CCDC66: variants seen among roughly 807,000 people sequenced by gnomAD.
The protein encoded by CCDC66 is coiled-coil domain-containing protein 66.
In CCDC66, 133 loss-of-function variants were observed where a neutral mutation model predicts 128.3. The ratio of observed to expected loss-of-function variants is 1.04; its 90% CI spans 0.90 to 1.20. The LOEUF (loss-of-function observed/expected upper bound fraction) is 1.20, where lower values mean the gene tolerates loss of function less well. CCDC66 is among the 50% of genes most tolerant of loss of function. The probability of loss-of-function intolerance (pLI) is 0.00; values close to 1 mark genes in which losing one functional copy is unlikely to be tolerated. For missense variants in CCDC66, 1,126 were observed against 1,075.5 expected (o/e 1.05, Z -0.66); for synonymous variants, 387 against 357.0 (o/e 1.08, Z -0.95).
chr3:56,614,760 T>G (rs996309366), intron 11 of CCDC66, among the ~76,000 whole-genome samples: 3 of 152,158 alleles, frequency 2.0e-5, no homozygotes, highest in Non-Finnish European at 4.4e-5. Flanking sequence ...GCTGAGCCAG[T>G]TACCCCTAGG....
intron 7 of CCDC66, among the ~76,000 whole-genome samples, chr3:56,575,092 TG>T (rs2067179185): frequency 6.6e-6 from 1 of 151,924 alleles, no homozygotes; most frequent in South Asian, 2.1e-4. Flanking sequence ...GGTAATTTTT[TG>T]TTTAATTTTT....
chr3:56,574,439 A>T (rs1475296493), intron 7 of CCDC66, among the ~76,000 whole-genome samples: 2 of 151,772 alleles, frequency 1.3e-5, no homozygotes, highest in Non-Finnish European at 1.5e-5. Flanking sequence ...ATTGAGGGAA[A>T]AGGAATTTGC....
intron 17 of CCDC66, chr3:56,620,969 AGTGAAACCCT>A (rs2076427336): frequency 6.6e-6 from 1 of 151,884 alleles, no homozygotes; most frequent in Non-Finnish European, 1.5e-5. Context: ...TGGCTAACAC[AGTGAAACCCT>A]GTCTCTACTA....
intron 10 of CCDC66, among the ~76,000 whole-genome samples, chr3:56,609,689 C>T (rs2074536341): frequency 6.6e-6 from 1 of 152,040 alleles, no homozygotes; most frequent in African/African-American, 2.4e-5. Context: ...ATAGGTCCTC[C>T]TGTGTGATTT....
At position 56,593,540 on chromosome 3, in the gene CCDC66, A is replaced by T; in HGVS notation, c.1118A>T (p.Tyr373Phe). Residue 373 changes from tyrosine (Y) to phenylalanine (F), a missense_variant, in exon 9 of 18, where the codon TAT becomes TTT. Coordinates refer to ENST00000394672, the MANE Select transcript of CCDC66 (RefSeq NM_001141947.3). Reference protein sequence around the residue: ...WAMHFDSLKSYPGSQSQLFSQ... With the variant: ...WAMHFDSLKSFPGSQSQLFSQ... ...ATGCACTTTGATTCATTAAAGAGTT[A>T]TCCTGGTTCTCAATCTCAGCTGTTC... 2.5e-6 allele frequency: 4 copies of T among 1,614,188 alleles called. No homozygotes were observed. Among genetic ancestry groups the T allele is most frequent in the Non-Finnish European group, 3.4e-6 (4 of 1,179,994 alleles).
At chr3:56,619,236 A>T in intron 15 of CCDC66, 35 bp from the exon 16 acceptor site, 1 of 1,461,076 alleles carries the variant, frequency 6.8e-7, no homozygotes, top group East Asian at 2.4e-5. Context: ...ACTTAATCTA[A>T]ATACACAATT....
At position 56,619,809 on chromosome 3, in the gene CCDC66, G is replaced by A. The variant is rs764875002; in HGVS notation, c.2668G>A (p.Asp890Asn). The A allele has an allele frequency of 6.2e-7, 1 of 1,612,428 alleles. No homozygotes were observed. Among genetic ancestry groups the A allele is most frequent in the South Asian group, 1.1e-5 (1 of 91,010 alleles). Residue 890 changes from aspartate to asparagine, a missense_variant, in exon 17 of 18, where the codon GAC becomes AAC. Transcript: ENST00000394672. ...CCAAAAACGACAGCTATTTGATTCT[G>A]ACTGTGTCAGGGATCCACTTCTTAA... is the stretch of plus-strand genomic sequence containing the variant. The part of the protein sequence containing the change: ...CGQKRQLFDS[D>N]CVRDPLLNPN...
intron 4 of CCDC66, among the ~76,000 whole-genome samples, chr3:56,564,895 T>A (rs1320797714): frequency 1.3e-5 from 2 of 152,232 alleles, no homozygotes; most frequent in Non-Finnish European, 2.9e-5. Context: ...TGTTATAGAT[T>A]ATTCTTGGTA....
chr3:56,563,655 TA>T, intron 3 of CCDC66, 28 bp from the exon 4 acceptor site: 1 of 1,495,640 alleles, frequency 6.7e-7, no homozygotes, highest in Non-Finnish European at 9.0e-7. Flanking sequence ...TGGACAGTTA[TA>T]AAGAATAAGC....
intron 7 of CCDC66, among the ~76,000 whole-genome samples, chr3:56,579,013 G>T (rs1443870222): frequency 6.6e-6 from 1 of 151,774 alleles, no homozygotes. Flanking sequence ...ACCTCTGGTC[G>T]AATTTGGCTG....
chr3:56,604,666 G>A (rs1277825919), intron 10 of CCDC66, among the ~76,000 whole-genome samples: 1 of 151,800 alleles, frequency 6.6e-6, no homozygotes, highest in Non-Finnish European at 1.5e-5. Flanking sequence ...AGTCTGATGG[G>A]CTTCCCTTTG....
In CCDC66 at chr3:56,619,324, ATACAT is replaced by A; in HGVS notation, c.2439_2443del (p.Leu813PhefsTer7). 6.2e-7 allele frequency: 1 copy of A among 1,613,688 alleles called. No homozygotes were observed. The highest frequency in any genetic ancestry group is 8.5e-7 in the Non-Finnish European group (1 of 1,179,770). On this transcript the variant is annotated frameshift_variant, in exon 16 of 18. Coordinates refer to ENST00000394672, the MANE Select transcript of CCDC66 (RefSeq NM_001141947.3). LOFTEE classifies it high-confidence loss of function. Reference sequence around the variant, plus strand: ...AAAAACAGAACCCAACAAACTCAAAATACATTACATTTACCACTAAAAAACAGTAG... The same window carrying A: ...AAAAACAGAACCCAACAAACTCAAAATACATTTACCACTAAAAAACAGTAG...
chr3:56,602,004 A>G (rs985057623), intron 10 of CCDC66, among the ~76,000 whole-genome samples: 2 of 152,054 alleles, frequency 1.3e-5, no homozygotes, highest in African/African-American at 2.4e-5. Context: ...TTCCAATACT[A>G]TGTTGAATAG....
intron 17 of CCDC66, chr3:56,621,214 T>TC (rs1239740574): frequency 1.6e-4 from 30 of 190,194 alleles, no homozygotes; most frequent in African/African-American, 6.6e-4. Context: ...TAAGGGAGAC[T>TC]CCTTCAGTAT....
intron 1 of CCDC66, among the ~76,000 whole-genome samples, chr3:56,558,112 C>T (rs2064597380): frequency 6.6e-6 from 1 of 152,122 alleles, no homozygotes. Context: ...TTTCCCCTAC[C>T]TGAGCAACAC....
chr3:56,580,234 C>T (rs1004731740), intron 7 of CCDC66, among the ~76,000 whole-genome samples: 1 of 151,686 alleles, frequency 6.6e-6, no homozygotes, highest in Non-Finnish European at 1.5e-5. Context: ...ATTGCAACCC[C>T]TGCTTTTTTT....
chr3:56,593,971 G>T lies in CCDC66; in HGVS notation c.1347G>T (p.Leu449Phe). The T allele has an allele frequency of 1.2e-6, 2 of 1,614,062 alleles. No homozygotes were observed. The highest frequency in any genetic ancestry group is 1.7e-6 in the Non-Finnish European group (2 of 1,180,008). ...TTCTCCGTTCTATGACTGCTCTCTTGGACCCAGCTCAGATTGAGGAACGAG... is the reference window on the plus strand; with the variant it reads ...TTCTCCGTTCTATGACTGCTCTCTTTGACCCAGCTCAGATTGAGGAACGAG... ...TNFLRSMTAL[L>F]DPAQIEERDR... is the part of the protein sequence containing the mutation. Residue 449 changes from leucine to phenylalanine, a missense_variant, in exon 10 of 18, where the codon TTG (leucine) becomes TTT (phenylalanine). Transcript: ENST00000394672.
intron 3 of CCDC66, among the ~76,000 whole-genome samples, chr3:56,563,307 G>A (rs549158926): frequency 4.5e-4 from 68 of 151,934 alleles, no homozygotes; most frequent in Non-Finnish European, 7.5e-4. Context: ...GTTGCAGTGA[G>A]CTGAGATCGT....
At chr3:56,558,525 T>C (rs1248628063) in intron 1 of CCDC66, among the ~76,000 whole-genome samples, 1 of 152,236 alleles carries the variant, frequency 6.6e-6, no homozygotes, top group East Asian at 1.9e-4. Context: ...CTTTAACTTA[T>C]GTGAGGAGTT....
Sources: allele counts gnomAD v4.1 joint callset (sites outside exome capture counted in the v4.1 genomes callset), GRCh38; gene constraint gnomAD v4.1.1; transcripts MANE v1.5; gene names NCBI Gene and HGNC (gene_info 2026-07-23, HGNC 2026-07-21).